The following IGF2BP2 variants were observed in gnomAD, a reference collection of about 807,000 sequenced individuals.
The protein encoded by IGF2BP2 is insulin like growth factor 2 mRNA binding protein 2, also known as insulin-like growth factor 2 mRNA-binding protein 2.
In IGF2BP2, 17 loss-of-function variants were observed where a neutral mutation model predicts 75.8. The ratio of observed to expected loss-of-function variants is 0.22; its 90% CI spans 0.15 to 0.34. The LOEUF (loss-of-function observed/expected upper bound fraction) is 0.34, where lower values mean the gene tolerates loss of function less well. Among genes scored for constraint, IGF2BP2 ranks in the 10% least tolerant of loss-of-function variants. The pLI is 1.00. For missense variants in IGF2BP2, 516 were observed against 772.4 expected, an observed-to-expected ratio of 0.67 and a Z score of 3.93; for synonymous variants, 288 against 295.6, an observed-to-expected ratio of 0.97 and a Z score of 0.26.
chr3:185,692,810 C>T, intron 4 of IGF2BP2, 48 bp from the exon 5 acceptor site: 11 of 1,557,660 alleles, frequency 7.1e-6, no homozygotes, highest in African/African-American at 4.1e-5. Flanking sequence ...AGTGCTGTCA[C>T]CCTCTGGCTT....
At chr3:185,656,156 G>A (rs934353920) in intron 12 of IGF2BP2, among the ~76,000 whole-genome samples, 1 of 152,254 alleles carries the variant, frequency 6.6e-6, no homozygotes. Context: ...CCCAAGGGCT[G>A]CAGCCAGCCA....
At chr3:185,823,272 AG>A (rs982362818) in intron 1 of IGF2BP2, 59 bp from the exon 2 acceptor site, 33 of 1,358,574 alleles carry the variant, frequency 2.4e-5, no homozygotes, top group East Asian at 4.8e-5. Context: ...GCGGGGGTCT[AG>A]GGGGGGCACG....
chr3:185,646,575 G>A (rs1024789702), intron 15 of IGF2BP2, among the ~76,000 whole-genome samples: 49 of 152,194 alleles, frequency 3.2e-4, no homozygotes, highest in Admixed American at 4.6e-4. Flanking sequence ...TGGTGAGACC[G>A]AAGAGGAGGA....
intron 12 of IGF2BP2, among the ~76,000 whole-genome samples, 199 bp from the exon 13 acceptor site, chr3:185,652,367 GT>G (rs961377401): frequency 1.3e-5 from 2 of 152,078 alleles, no homozygotes; most frequent in African/African-American, 4.8e-5. Flanking sequence ...TCAAATTTGG[GT>G]TTTTGGCCAC....
intron 2 of IGF2BP2, among the ~76,000 whole-genome samples, chr3:185,761,397 G>A (rs1426456879): frequency 1.3e-5 from 2 of 152,196 alleles, no homozygotes; most frequent in African/African-American, 4.8e-5. Context: ...TCACTCCGGG[G>A]CCCTGGGCTG....
intron 2 of IGF2BP2, chr3:185,722,582 A>G (rs1170091610): frequency 1.6e-5 from 4 of 246,930 alleles, no homozygotes; most frequent in Admixed American, 1.6e-4. Context: ...GGAAGGTAAA[A>G]TGAGAGGCTT....
chr3:185,761,555 TA>T (rs1305339955), intron 2 of IGF2BP2, among the ~76,000 whole-genome samples: 6 of 152,200 alleles, frequency 3.9e-5, no homozygotes, highest in Non-Finnish European at 5.9e-5. Flanking sequence ...CTGGTTGCTT[TA>T]CTCTTGCCAA....
At chr3:185,781,870 G>T (rs1410289121) in intron 2 of IGF2BP2, among the ~76,000 whole-genome samples, 1 of 152,036 alleles carries the variant, frequency 6.6e-6, no homozygotes, top group Non-Finnish European at 1.5e-5. Context: ...AGCATCAAAG[G>T]CTCTTTGAAT....
intron 2 of IGF2BP2, among the ~76,000 whole-genome samples, chr3:185,782,610 A>G (rs761248062): frequency 6.6e-6 from 1 of 152,176 alleles, no homozygotes; most frequent in Non-Finnish European, 1.5e-5. Flanking sequence ...CAAGGTGGTC[A>G]CCAAAAAATA....
At chr3:185,688,328 C>G (rs911636729) in intron 6 of IGF2BP2, among the ~76,000 whole-genome samples, 1 of 152,156 alleles carries the variant, frequency 6.6e-6, no homozygotes, top group Non-Finnish European at 1.5e-5. Context: ...CCTGGCAAAA[C>G]AGACAGGAAC....
intron 2 of IGF2BP2, among the ~76,000 whole-genome samples, chr3:185,749,151 G>A (rs916177353): frequency 2.0e-5 from 3 of 152,010 alleles, no homozygotes; most frequent in African/African-American, 4.8e-5. Context: ...GTGAAAAAGC[G>A]AGACTCCGTC....
intron 10 of IGF2BP2, among the ~76,000 whole-genome samples, chr3:185,672,140 T>C (rs1040865106): frequency 3.3e-5 from 5 of 152,232 alleles, no homozygotes; most frequent in Admixed American, 2.6e-4. Flanking sequence ...AGGTAGAAAC[T>C]GCACATGTAT....
intron 7 of IGF2BP2, among the ~76,000 whole-genome samples, chr3:185,680,988 G>A (rs1278382498): frequency 6.6e-6 from 1 of 152,198 alleles, no homozygotes; most frequent in East Asian, 1.9e-4. Context: ...CACACTCAAC[G>A]ATGAAAGACT....
rs189180440 is a variant in IGF2BP2 at position 185,706,712 on chromosome 3, T to C, written c.240-8365A>G. 1.1e-4 allele frequency among the ~76,000 whole-genome samples: 17 copies of C among 151,952 alleles called. No homozygotes were observed. The East Asian group carries it at 2.3e-3, about 21-fold the overall frequency. ...ACCATCACGCACTGTTCTAGTGAAA[T>C]AGATTATCAGATTTCTCAGAGATTC... On this transcript the variant is annotated intron_variant, in intron 2 of 15. Transcript: ENST00000382199.
At chr3:185,659,813 T>G (rs1174629190) in intron 10 of IGF2BP2, among the ~76,000 whole-genome samples, 2 of 151,542 alleles carry the variant, frequency 1.3e-5, no homozygotes, top group Non-Finnish European at 2.9e-5. Context: ...TTTTTTTTTT[T>G]GAGATGGTGT....
At chr3:185,799,252 C>A (rs113149084) in intron 2 of IGF2BP2, among the ~76,000 whole-genome samples, 1 of 151,950 alleles carries the variant, frequency 6.6e-6, no homozygotes, top group Non-Finnish European at 1.5e-5. Flanking sequence ...CAAAAATAAG[C>A]CAAGGTGTGG....
rs917683182 is a variant in IGF2BP2 at position 185,647,365 on chromosome 3, C to T, written c.1594-227G>A. Among the ~76,000 whole-genome samples the T allele has an allele frequency of 6.6e-6, 1 of 152,092 alleles. No individual in the cohort carries two copies. The highest frequency in any genetic ancestry group is 2.4e-5 in the African/African-American group (1 of 41,398). On this transcript the variant is annotated intron_variant, in intron 14 of 15. Transcript: ENST00000382199. This position sits in a 1 kb window ranked among gnomAD's most constrained non-coding sequence, Gnocchi z 4.9. ...TCAATGACAGGGAGAGGGAGTCCAG[C>T]CACAGATTCCTGGGGCTGCTTCTGA... is the stretch of plus-strand genomic sequence containing the variant.
chr3:185,685,590 A>G (rs1721011227), intron 7 of IGF2BP2, among the ~76,000 whole-genome samples: 1 of 152,098 alleles, frequency 6.6e-6, no homozygotes, highest in South Asian at 2.1e-4. Context: ...TTCACCCCTC[A>G]CTACTTCTCT....
chr3:185,707,941 C>T lies in IGF2BP2; in HGVS notation c.240-9594G>A, dbSNP rs1724279734. On this transcript the variant is annotated intron_variant, in intron 2 of 15. Transcript: ENST00000382199. Reference sequence around the variant, plus strand: ...GCTGAACACTATCTTTTCCCCGTTTCTCAATTTATTTTATTTGATGAAGTC... The same window carrying T: ...GCTGAACACTATCTTTTCCCCGTTTTTCAATTTATTTTATTTGATGAAGTC... Among the ~76,000 whole-genome samples the T allele has an allele frequency of 2.6e-5, 4 of 152,204 alleles. No homozygotes were observed. In the South Asian group the frequency reaches 8.3e-4, roughly 32 times the overall value.
Sources: allele counts gnomAD v4.1 joint callset (sites outside exome capture counted in the v4.1 genomes callset), GRCh38; gene constraint gnomAD v4.1.1; non-coding constraint Gnocchi (gnomAD v3.1); transcripts MANE v1.5; gene names NCBI Gene and HGNC (gene_info 2026-07-23, HGNC 2026-07-21).